Variants in CELF4 observed in about 807,000 individuals in gnomAD.
CELF4 encodes the protein CUG-BP- and ETR-3-like factor 4.
A neutral mutation model predicts 59.9 loss-of-function variants in CELF4; 18 were observed. The ratio of observed to expected loss-of-function variants is 0.30; its 90% CI spans 0.21 to 0.45. The LOEUF (loss-of-function observed/expected upper bound fraction) is 0.45, where lower values mean the gene tolerates loss of function less well. Ranked by LOEUF, CELF4 falls within the 20% of genes least tolerant of loss-of-function variation. The pLI is 1.00. For synonymous variants in CELF4, 261 were observed against 267.1 expected (o/e 0.98, Z 0.22); for missense variants, 456 against 689.0 (o/e 0.66, Z 3.79).
rs553727076 is a variant in CELF4, at chr18:37,441,318, C to T, written c.369+44207G>A. ...GTGTGTGTGTGTGTGTGTACACACA[C>T]GGGGGAGATGGGAACTGGGGAGCAG... On this transcript the variant is annotated intron_variant, in intron 2 of 12. Transcript: ENST00000420428. Among the ~76,000 whole-genome samples, 107 of 147,376 alleles carry T rather than the reference C, an allele frequency of 7.3e-4. 1 individual carries two copies. Among genetic ancestry groups the T allele is most frequent in the East Asian group, 1.6e-3 (8 of 5,044 alleles).
chr18:37,451,759 C>T (rs2099764761), intron 2 of CELF4, among the ~76,000 whole-genome samples: 2 of 152,282 alleles, frequency 1.3e-5, no homozygotes, highest in South Asian at 4.1e-4. Context: ...GCTGAGCGGC[C>T]CAAGAAGCCC....
chr18:37,474,730 A>G lies in CELF4; in HGVS notation c.369+10795T>C, dbSNP rs116993178. On this transcript the variant is annotated intron_variant, in intron 2 of 12. Transcript: ENST00000420428. ...GGTAGCTGTCATCGGAGTTAGAGAGACAAGATTCTTTGATCTGCTCTCTTA... is the reference window on the plus strand; with the variant it reads ...GGTAGCTGTCATCGGAGTTAGAGAGGCAAGATTCTTTGATCTGCTCTCTTA... Among the ~76,000 whole-genome samples the G allele has an allele frequency of 2.8e-4, 43 of 152,342 alleles. No individual in the cohort carries two copies. The East Asian group carries it at 8.3e-3, about 29-fold the overall frequency.
intron 2 of CELF4, among the ~76,000 whole-genome samples, chr18:37,476,543 T>A (rs1318153581): frequency 6.6e-6 from 1 of 152,166 alleles, no homozygotes; most frequent in Admixed American, 6.5e-5. Flanking sequence ...AATTAAAGAA[T>A]AAAGAACAAT....
At position 37,266,528 on chromosome 18, in the gene CELF4, C is replaced by T. The variant is rs957422887; in HGVS notation, c.1165+5G>A. The stretch of plus-strand genomic sequence containing the variant: ...AAGGAGCCGTGGGGACGCGTGGATA[C>T]TAACGACCTGCATACTGCTGCACTC... On this transcript the variant is annotated splice_donor_5th_base_variant and intron_variant, in intron 9 of 12. Transcript: ENST00000420428. 1 of 1,590,766 alleles carries T rather than the reference C, an allele frequency of 6.3e-7. No homozygotes were observed. The highest frequency in any genetic ancestry group is 8.5e-7 in the Non-Finnish European group (1 of 1,170,000).
At chr18:37,275,345 G>A (rs2092934695) in intron 3 of CELF4, 102 bp from the exon 4 acceptor site, 8 of 1,433,828 alleles carry the variant, frequency 5.6e-6, no homozygotes, top group Non-Finnish European at 7.4e-6. Flanking sequence ...GAGGAGCCGG[G>A]GAGGCGGGGC....
rs1248095408 is a variant in CELF4, at chr18:37,243,179, T to C, written c.*2063A>G. 1.4e-3 allele frequency: 194 copies of C among 139,226 alleles called. 3 individuals are homozygous for C. The highest frequency in any genetic ancestry group is 5.4e-3 in the African/African-American group (185 of 34,460). The allele number at this position is 139,226 out of a possible 1,614,324, so 8.6% of individuals were successfully genotyped here. A position where few individuals can be genotyped will look rare whatever the true frequency, so the allele number is the denominator to read the frequency against. On this transcript the variant is annotated 3_prime_UTR_variant, in exon 13 of 13. Coordinates refer to ENST00000420428, the MANE Select transcript of CELF4 (RefSeq NM_020180.4). ...CTGCAGCTGTTTTCTTTTTTTTTTCTTTTTTTCTTTTTTTTTTTTTTTTTT... is the reference window on the plus strand; with the variant it reads ...CTGCAGCTGTTTTCTTTTTTTTTTCCTTTTTTCTTTTTTTTTTTTTTTTTT...
In CELF4 at chr18:37,558,521, A is replaced by C. The variant is rs190741387; in HGVS notation, c.286+6835T>G. Reference sequence around the variant, plus strand: ...AATGTCAGAGAAGACAGAAAAGGAGAGGAAGGATGATGAAAGGGCTTCAGT... The same window carrying C: ...AATGTCAGAGAAGACAGAAAAGGAGCGGAAGGATGATGAAAGGGCTTCAGT... On this transcript the variant is annotated intron_variant, in intron 1 of 12. Coordinates refer to ENST00000420428, the MANE Select transcript of CELF4 (RefSeq NM_020180.4). Among the ~76,000 whole-genome samples the C allele has an allele frequency of 2.0e-3, 215 of 110,066 alleles. 1 individual carries two copies. The highest frequency in any genetic ancestry group is 3.0e-3 in the Non-Finnish European group (179 of 59,344). The allele number at this position is 110,066 out of a possible 152,430, so 72.2% of individuals were successfully genotyped here.
chr18:37,459,841 C>T (rs1056306254), intron 2 of CELF4, among the ~76,000 whole-genome samples: 1 of 152,184 alleles, frequency 6.6e-6, no homozygotes, highest in Non-Finnish European at 1.5e-5. Flanking sequence ...GGACACTCAG[C>T]CCCTAACAAC....
At chr18:37,475,183 C>T (rs2099845305) in intron 2 of CELF4, among the ~76,000 whole-genome samples, 1 of 152,230 alleles carries the variant, frequency 6.6e-6, no homozygotes, top group Non-Finnish European at 1.5e-5. Context: ...CTGGGGTCAA[C>T]CCCACAAAGA....
intron 2 of CELF4, 61 bp from the exon 3 acceptor site, chr18:37,321,942 C>T (rs755862901): frequency 4.3e-5 from 60 of 1,405,170 alleles, no homozygotes; most frequent in Non-Finnish European, 5.8e-5. Flanking sequence ...GACAGACACC[C>T]AGCACTCAGG....
At chr18:37,278,365 C>T (rs1420568323) in intron 3 of CELF4, among the ~76,000 whole-genome samples, 1 of 152,210 alleles carries the variant, frequency 6.6e-6, no homozygotes, top group Non-Finnish European at 1.5e-5. Flanking sequence ...CTTCTAGGAT[C>T]CTCAAATGTG....
At chr18:37,478,205 C>T (rs910087892) in intron 2 of CELF4, among the ~76,000 whole-genome samples, 1 of 152,124 alleles carries the variant, frequency 6.6e-6, no homozygotes, top group African/African-American at 2.4e-5. Flanking sequence ...TCTTGAGAGG[C>T]GATCTGGCCC....
At chr18:37,480,375 G>A (rs937633187) in intron 2 of CELF4, among the ~76,000 whole-genome samples, 1 of 152,190 alleles carries the variant, frequency 6.6e-6, no homozygotes, top group African/African-American at 2.4e-5. Flanking sequence ...AGCTTTGATT[G>A]CACCGATCAC....
rs147736255 is a variant in CELF4, at chr18:37,474,512, G to A, written c.369+11013C>T. ...GCTTTCCACAGGGTTAGTGCCCTAG[G>A]ATGAGGAGGAAGGAGCATGGGCTCT... On this transcript the variant is annotated intron_variant, in intron 2 of 12. Transcript: ENST00000420428. 8.8e-3 allele frequency among the ~76,000 whole-genome samples: 1,336 copies of A among 152,352 alleles called. 9 individuals carry two copies. The highest frequency in any genetic ancestry group is 0.016 in the Non-Finnish European group (1,058 of 68,034).
chr18:37,262,408 G>T (rs537182077), intron 10 of CELF4, among the ~76,000 whole-genome samples: 19 of 152,226 alleles, frequency 1.2e-4, no homozygotes, highest in African/African-American at 4.1e-4. Context: ...GTGGGGGAGG[G>T]GGGGGCAGGA....
chr18:37,313,272 G>A (rs368690106), intron 3 of CELF4, among the ~76,000 whole-genome samples: 16 of 152,124 alleles, frequency 1.1e-4, no homozygotes, highest in East Asian at 9.6e-4. Context: ...AATTTTCAAC[G>A]TGCTGTGGTC....
intron 2 of CELF4, among the ~76,000 whole-genome samples, chr18:37,382,559 G>T (rs1479237030): frequency 6.6e-6 from 1 of 152,146 alleles, no homozygotes; most frequent in Admixed American, 6.5e-5. Flanking sequence ...CCTTTCACCA[G>T]GCAAAGGTGG....
chr18:37,387,177 TG>T (rs2099108543), intron 2 of CELF4, among the ~76,000 whole-genome samples: 1 of 152,256 alleles, frequency 6.6e-6, no homozygotes, highest in African/African-American at 2.4e-5. Context: ...TTCCTTGTCC[TG>T]GGCATTACTT....
chr18:37,516,577 A>G (rs1197023989), intron 1 of CELF4, among the ~76,000 whole-genome samples: 1 of 152,222 alleles, frequency 6.6e-6, no homozygotes, highest in Admixed American at 6.5e-5. Flanking sequence ...GGAATTAACT[A>G]CTGTGGACCA....
Sources: gnomAD v4.1 joint callset for allele counts (sites outside exome capture counted in the v4.1 genomes callset) on GRCh38, gnomAD v4.1.1 for gene constraint, MANE v1.5 for transcripts, NCBI Gene and HGNC (gene_info 2026-07-23, HGNC 2026-07-21) for gene names.